Variants in CYRIA observed in about 807,000 individuals in gnomAD.
CYRIA encodes CYFIP-related Rac1 interactor A.
Under a neutral mutation model 43.9 loss-of-function variants are expected in CYRIA, and 15 were observed. The ratio of observed to expected loss-of-function variants is 0.34; its 90% CI spans 0.23 to 0.53. CYRIA has a LOEUF of 0.53. Among genes scored for constraint, CYRIA ranks in the 20% least tolerant of loss-of-function variants. The probability of loss-of-function intolerance (pLI) is 0.94; values close to 1 mark genes in which losing one functional copy is unlikely to be tolerated. For missense variants in CYRIA, 236 were observed against 394.2 expected (o/e 0.60, Z 3.40); for synonymous variants, 117 against 136.0 (o/e 0.86, Z 0.97).
chr2:16,613,703 T>G (rs1431609756), intron 2 of CYRIA, among the ~76,000 whole-genome samples: 4 of 152,158 alleles, frequency 2.6e-5, no homozygotes, highest in African/African-American at 9.7e-5. Flanking sequence ...CGAACACAAA[T>G]GCAGAAATTT....
intron 4 of CYRIA, among the ~76,000 whole-genome samples, 156 bp downstream of exon 4, chr2:16,565,489 GC>G (rs2103418297): frequency 6.6e-6 from 1 of 152,142 alleles, no homozygotes; most frequent in South Asian, 2.1e-4. Flanking sequence ...GCCGGCCCAT[GC>G]ATTTTGTTTT....
intron 1 of CYRIA, among the ~76,000 whole-genome samples, chr2:16,648,842 G>A (rs1669890814): frequency 6.6e-6 from 1 of 152,160 alleles, no homozygotes; most frequent in Non-Finnish European, 1.5e-5. Flanking sequence ...CTACATTCTA[G>A]TGTGATATTT....
chr2:16,612,589 AC>A (rs1247882210), intron 2 of CYRIA, among the ~76,000 whole-genome samples: 2 of 152,204 alleles, frequency 1.3e-5, no homozygotes, highest in African/African-American at 4.8e-5. Context: ...AGAGCCTGCC[AC>A]CCACTGCTAG....
intron 2 of CYRIA, among the ~76,000 whole-genome samples, chr2:16,618,831 TGCTC>T (rs1317654938): frequency 1.3e-5 from 2 of 152,242 alleles, no homozygotes; most frequent in Non-Finnish European, 2.9e-5. Context: ...AGACATATGC[TGCTC>T]TGACCTCACT....
chr2:16,581,510 C>T (rs1667548022), intron 3 of CYRIA, among the ~76,000 whole-genome samples: 1 of 151,872 alleles, frequency 6.6e-6, no homozygotes. Flanking sequence ...TGTAAAATAG[C>T]ACATCTCATT....
At chr2:16,625,865 T>A (rs908824974) in intron 1 of CYRIA, 2 of 151,676 alleles carry the variant, frequency 1.3e-5, no homozygotes, top group Non-Finnish European at 1.5e-5. Flanking sequence ...GTCCTCAGAA[T>A]TGAACCCATT....
intron 1 of CYRIA, among the ~76,000 whole-genome samples, chr2:16,631,193 C>T (rs755795468): frequency 6.6e-6 from 1 of 152,186 alleles, no homozygotes; most frequent in African/African-American, 2.4e-5. Context: ...TATTTGTGTT[C>T]GTGTTTTATC....
chr2:16,563,728 T>C (rs929545220), intron 5 of CYRIA, among the ~76,000 whole-genome samples: 2 of 152,126 alleles, frequency 1.3e-5, no homozygotes, highest in African/African-American at 4.8e-5. Flanking sequence ...CTATTAAGAA[T>C]TGGACACAGA....
intron 3 of CYRIA, among the ~76,000 whole-genome samples, chr2:16,584,482 G>A (rs1174686485): frequency 1.3e-5 from 2 of 152,126 alleles, no homozygotes; most frequent in Non-Finnish European, 2.9e-5. Context: ...GACTGCTCAA[G>A]CCCCCTTTAA....
At chr2:16,566,833 G>A (rs2103420585) in intron 3 of CYRIA, among the ~76,000 whole-genome samples, 1 of 152,242 alleles carries the variant, frequency 6.6e-6, no homozygotes, top group East Asian at 1.9e-4. Flanking sequence ...TATGCAATAG[G>A]TTATCTCCCT....
At chr2:16,617,896 G>T (rs1035672657) in intron 2 of CYRIA, among the ~76,000 whole-genome samples, 2 of 152,176 alleles carry the variant, frequency 1.3e-5, no homozygotes, top group East Asian at 3.8e-4. Context: ...AGGGAGGAGG[G>T]CTGACCAAGG....
At chr2:16,567,142 A>G (rs990982966) in intron 3 of CYRIA, among the ~76,000 whole-genome samples, 2 of 152,184 alleles carry the variant, frequency 1.3e-5, no homozygotes, top group Non-Finnish European at 1.5e-5. Context: ...GCAGTGGCTC[A>G]CACTTGTAAT....
At chr2:16,579,431 A>G (rs1164310628) in intron 3 of CYRIA, among the ~76,000 whole-genome samples, 2 of 151,820 alleles carry the variant, frequency 1.3e-5, no homozygotes, top group Non-Finnish European at 2.9e-5. Context: ...ACACACACAC[A>G]CACACACACA....
chr2:16,645,486 T>C (rs1271887785), intron 1 of CYRIA, among the ~76,000 whole-genome samples: 1 of 152,194 alleles, frequency 6.6e-6, no homozygotes, highest in Non-Finnish European at 1.5e-5. Flanking sequence ...TGATATGTAA[T>C]AGACATTTTA....
chr2:16,552,872 T>C lies in CYRIA; in HGVS notation c.*64A>G. On this transcript the variant is annotated 3_prime_UTR_variant, in exon 12 of 12. Coordinates refer to ENST00000381323, the MANE Select transcript of CYRIA (RefSeq NM_030797.4). Reference sequence around the variant, plus strand: ...CACAAGTATTAACATCAATCTGTATTAAATTATGTAAACATATACATCTTC... The same window carrying C: ...CACAAGTATTAACATCAATCTGTATCAAATTATGTAAACATATACATCTTC... The C allele has an allele frequency of 2.0e-6, 2 of 1,020,898 alleles. No individual in the cohort carries two copies. Among genetic ancestry groups the C allele is most frequent in the Admixed American group, 3.4e-5 (2 of 58,364 alleles). 63.2% of individuals were successfully genotyped at this position (1,020,898 alleles called of 1,614,324 possible).
chr2:16,601,722 A>AAAAT (rs1553342784), intron 2 of CYRIA, among the ~76,000 whole-genome samples: 10 of 150,898 alleles, frequency 6.6e-5, no homozygotes, highest in African/African-American at 2.5e-4. Context: ...AAAAAAAAAA[A>AAAAT]AAAAGAGAGA....
intron 1 of CYRIA, among the ~76,000 whole-genome samples, chr2:16,640,274 G>A (rs549420145): frequency 1.1e-4 from 16 of 152,340 alleles, no homozygotes; most frequent in African/African-American, 3.4e-4. Context: ...CCCCCACAGA[G>A]GCTCTTCCCC....
intron 3 of CYRIA, among the ~76,000 whole-genome samples, chr2:16,578,474 A>G (rs1025258298): frequency 1.3e-5 from 2 of 152,246 alleles, no homozygotes; most frequent in Non-Finnish European, 2.9e-5. Context: ...AACTATAAAA[A>G]TATGTTAAAG....
chr2:16,600,469 C>T (rs948217856), intron 2 of CYRIA, among the ~76,000 whole-genome samples: 1 of 152,208 alleles, frequency 6.6e-6, no homozygotes, highest in Admixed American at 6.5e-5. Flanking sequence ...CCCCAGGGCA[C>T]TTACAGGTGG....
Sources: allele counts gnomAD v4.1 joint callset (sites outside exome capture counted in the v4.1 genomes callset), GRCh38; gene constraint gnomAD v4.1.1; transcripts MANE v1.5; gene names NCBI Gene and HGNC (gene_info 2026-07-23, HGNC 2026-07-21).